RBMS3: variants seen among roughly 807,000 people sequenced by gnomAD.
RBMS3 encodes the protein RNA binding motif single stranded interacting protein 3, also known as RNA-binding motif, single-stranded-interacting protein 3.
RBMS3 carries 27 observed loss-of-function variants against 66.8 expected under a neutral mutation model. The ratio of observed to expected loss-of-function variants is 0.40; its 90% CI spans 0.30 to 0.56. RBMS3 has a LOEUF of 0.56. Ranked by LOEUF, RBMS3 falls within the 20% of genes least tolerant of loss-of-function variation. The probability of loss-of-function intolerance (pLI) is 0.40; values close to 1 mark genes in which losing one functional copy is unlikely to be tolerated. For synonymous variants in RBMS3, 188 were observed against 183.0 expected (o/e 1.03, Z -0.22); for missense variants, 513 against 549.5 (o/e 0.93, Z 0.66).
intron 1 of RBMS3, among the ~76,000 whole-genome samples, chr3:29,396,681 G>A (rs9854988): frequency 0.18 from 27,552 of 151,864 alleles, 2,920 homozygotes; most frequent in East Asian, 0.38. Context: ...AAGTAAATAG[G>A]GCAAAATATA....
At chr3:29,735,900 T>C (rs907181030) in intron 4 of RBMS3, among the ~76,000 whole-genome samples, 1 of 152,200 alleles carries the variant, frequency 6.6e-6, no homozygotes, top group African/African-American at 2.4e-5. Context: ...TTGGATAAGA[T>C]GCCACCTTAG....
intron 4 of RBMS3, chr3:29,616,795 C>T (rs898497445): frequency 2.0e-5 from 3 of 152,268 alleles, no homozygotes; most frequent in Admixed American, 6.5e-5. Flanking sequence ...CATCAATAAT[C>T]GTCCAGCTTT....
chr3:29,990,018 A>AGAAATATTTCATT (rs1698722724), intron 13 of RBMS3, among the ~76,000 whole-genome samples: 1 of 152,212 alleles, frequency 6.6e-6, no homozygotes, highest in Non-Finnish European at 1.5e-5. Context: ...AGGGATTAAA[A>AGAAATATTTCATT]GAAATATTTC....
intron 3 of RBMS3, among the ~76,000 whole-genome samples, chr3:29,554,652 G>A (rs566004031): frequency 1.3e-5 from 2 of 152,272 alleles, no homozygotes; most frequent in South Asian, 2.1e-4. Context: ...TTCAGGATGT[G>A]TAAAATTTAG....
chr3:29,648,174 G>A (rs1388638439), intron 4 of RBMS3, among the ~76,000 whole-genome samples: 2 of 150,932 alleles, frequency 1.3e-5, no homozygotes, highest in Non-Finnish European at 2.9e-5. Flanking sequence ...AATTCTCCTA[G>A]AGACTCTTTT....
intron 2 of RBMS3, among the ~76,000 whole-genome samples, chr3:29,482,043 A>T (rs953481294): frequency 3.9e-5 from 6 of 152,196 alleles, no homozygotes; most frequent in African/African-American, 1.4e-4. Flanking sequence ...GGGAGAGTTC[A>T]GATTCAAGTC....
chr3:29,876,753 C>T (rs966215104), intron 7 of RBMS3, among the ~76,000 whole-genome samples: 2 of 152,002 alleles, frequency 1.3e-5, no homozygotes, highest in Non-Finnish European at 2.9e-5. Flanking sequence ...AAAAACCACC[C>T]CTGCGAAGGC....
chr3:29,661,098 T>A (rs995708271), intron 4 of RBMS3, among the ~76,000 whole-genome samples: 1 of 152,174 alleles, frequency 6.6e-6, no homozygotes, highest in Non-Finnish European at 1.5e-5. Context: ...GGGTGGGGAA[T>A]GGGTAGCTGC....
intron 3 of RBMS3, among the ~76,000 whole-genome samples, chr3:29,524,814 A>T (rs2045026523): frequency 1.3e-5 from 2 of 151,942 alleles, no homozygotes; most frequent in Non-Finnish European, 2.9e-5. Flanking sequence ...GCACTTTGGG[A>T]GGCTGAGGTG....
At chr3:29,345,272 G>C (rs1301532520) in intron 1 of RBMS3, among the ~76,000 whole-genome samples, 1 of 152,120 alleles carries the variant, frequency 6.6e-6, no homozygotes, top group Non-Finnish European at 1.5e-5. Flanking sequence ...AATTTCCCTT[G>C]TGAAGAGAAC....
At chr3:29,952,442 G>A (rs1357087572) in intron 12 of RBMS3, among the ~76,000 whole-genome samples, 1 of 151,776 alleles carries the variant, frequency 6.6e-6, no homozygotes, top group Non-Finnish European at 1.5e-5. Context: ...AATCTTCCCA[G>A]TTTATATTAT....
intron 7 of RBMS3, among the ~76,000 whole-genome samples, chr3:29,874,783 GA>G (rs3836348): frequency 0.051 from 7,824 of 152,162 alleles, 323 homozygotes; most frequent in African/African-American, 0.1. Flanking sequence ...AATTCAGCAT[GA>G]AAACTTTCTT....
chr3:29,328,525 T>A (rs958385318), intron 1 of RBMS3, among the ~76,000 whole-genome samples: 5 of 152,184 alleles, frequency 3.3e-5, no homozygotes, highest in African/African-American at 9.6e-5. Context: ...AATAGTTAGA[T>A]GATTTAATAA....
chr3:29,444,419 G>T (rs1053856646), intron 2 of RBMS3, among the ~76,000 whole-genome samples: 5 of 152,066 alleles, frequency 3.3e-5, no homozygotes, highest in African/African-American at 1.2e-4. Flanking sequence ...TACATAGGGA[G>T]TGTGTATAAC....
chr3:29,549,070 T>G (rs2046087937), intron 3 of RBMS3, among the ~76,000 whole-genome samples: 1 of 149,106 alleles, frequency 6.7e-6, no homozygotes, highest in Non-Finnish European at 1.5e-5. Context: ...TTTTTTTTTT[T>G]TTTTTTTTTT....
intron 1 of RBMS3, among the ~76,000 whole-genome samples, chr3:29,417,165 T>C (rs952694469): frequency 6.6e-6 from 1 of 152,118 alleles, no homozygotes; most frequent in South Asian, 2.1e-4. Context: ...ATTTTTTATT[T>C]TCATGTTGTT....
At chr3:29,523,852 A>G (rs2044965960) in intron 3 of RBMS3, among the ~76,000 whole-genome samples, 1 of 152,028 alleles carries the variant, frequency 6.6e-6, no homozygotes, top group African/African-American at 2.4e-5. Context: ...CTCCCACCTC[A>G]GCCTCCTGAG....
intron 1 of RBMS3, among the ~76,000 whole-genome samples, chr3:29,299,231 C>T (rs949894933): frequency 7.9e-4 from 120 of 151,450 alleles, no homozygotes; most frequent in African/African-American, 5.6e-4. Context: ...AATACAGGCA[C>T]GAGATTGGAA....
rs567685876 is a variant in RBMS3, at chr3:29,812,013, C to T, written c.637+49024C>T. Among the ~76,000 whole-genome samples the T allele has an allele frequency of 2.1e-4, 32 of 152,168 alleles. No homozygotes were observed. In the South Asian group the frequency reaches 2.7e-3, roughly 13 times the overall value. On this transcript the variant is annotated intron_variant, in intron 6 of 14. Coordinates refer to ENST00000383767, the MANE Select transcript of RBMS3 (RefSeq NM_001003793.3). ...CTGTGGAATTGAAAAAGTCATGATA[C>T]TTTGTTGTAAGTCCATATATTATGA...
Sources: gnomAD v4.1 joint callset for allele counts (sites outside exome capture counted in the v4.1 genomes callset) on GRCh38, gnomAD v4.1.1 for gene constraint, MANE v1.5 for transcripts, NCBI Gene and HGNC (gene_info 2026-07-23, HGNC 2026-07-21) for gene names.